ZNF365: variants seen among roughly 807,000 people sequenced by gnomAD.
ZNF365 encodes the protein protein ZNF365.
ZNF365 carries 22 observed loss-of-function variants against 35.0 expected under a neutral mutation model. The observed-to-expected ratio is 0.63, with a 90% CI of 0.45 to 0.90. The LOEUF (loss-of-function observed/expected upper bound fraction) is 0.90, where lower values mean the gene tolerates loss of function less well. Ranked by LOEUF, ZNF365 falls within the 40% of genes least tolerant of loss-of-function variation. ZNF365 has a pLI of 0.00. For missense variants in ZNF365, 448 were observed against 500.3 expected, an observed-to-expected ratio of 0.90 and a Z score of 1.00; for synonymous variants, 188 against 196.2, an observed-to-expected ratio of 0.96 and a Z score of 0.35.
chr10:62,395,400 T>A (rs1839706824), intron 3 of ZNF365, among the ~76,000 whole-genome samples: 1 of 151,396 alleles, frequency 6.6e-6, no homozygotes. Flanking sequence ...TGCAATGGCA[T>A]GATCATGGCT....
chr10:62,442,510 A>G (rs1322776199), intron 3 of ZNF365, among the ~76,000 whole-genome samples: 2 of 152,192 alleles, frequency 1.3e-5, no homozygotes, highest in African/African-American at 4.8e-5. Flanking sequence ...CTTACGTTAC[A>G]ATTGCTGGTG....
chr10:62,440,419 A>C (rs1277612185), intron 3 of ZNF365, among the ~76,000 whole-genome samples: 5 of 152,086 alleles, frequency 3.3e-5, no homozygotes, highest in African/African-American at 1.2e-4. Flanking sequence ...ACCCTCAAGC[A>C]GACTGCAATG....
intron 3 of ZNF365, among the ~76,000 whole-genome samples, chr10:62,450,368 T>C (rs1358263786): frequency 6.6e-6 from 1 of 152,220 alleles, no homozygotes; most frequent in African/African-American, 2.4e-5. Context: ...ATAAGAAGCC[T>C]GAGGCTTCTC....
chr10:62,435,321 AT>A (rs1459611877), intron 3 of ZNF365, among the ~76,000 whole-genome samples: 1 of 152,048 alleles, frequency 6.6e-6, no homozygotes, highest in Non-Finnish European at 1.5e-5. Context: ...TTGGAGGTAA[AT>A]TTTTTTCTGA....
At chr10:62,461,057 C>T (rs1455402263) in intron 4 of ZNF365, among the ~76,000 whole-genome samples, 1 of 152,222 alleles carries the variant, frequency 6.6e-6, no homozygotes, top group African/African-American at 2.4e-5. Context: ...CCTCTACATT[C>T]AGACTCAACT....
chr10:62,377,521 A>G (rs2132407128), intron 2 of ZNF365, among the ~76,000 whole-genome samples: 1 of 152,338 alleles, frequency 6.6e-6, no homozygotes, highest in South Asian at 2.1e-4. Flanking sequence ...TGATATTGCT[A>G]TACTTCTATG....
intron 3 of ZNF365, among the ~76,000 whole-genome samples, chr10:62,428,971 A>G (rs150699891): frequency 1.5e-3 from 231 of 152,340 alleles, no homozygotes; most frequent in African/African-American, 5.3e-3. Context: ...GTGTGCAGTC[A>G]CTAAACAGAG....
rs146839785 is a variant in ZNF365 at position 62,475,644 on chromosome 10, G to A, written c.982-4232G>A. Among the ~76,000 whole-genome samples, 18 of 152,258 alleles carry A rather than the reference G, an allele frequency of 1.2e-4. No individual in the cohort carries two copies. The East Asian group carries it at 2.5e-3, about 21-fold the overall frequency. ...AGCTCACCAAGCTGCGACCAGATCC[G>A]TGGCATAGAGCCCCATCTAGGAAAT... On this transcript the variant is annotated intron_variant, in intron 4 of 4. Coordinates refer to the ZNF365 transcript ENST00000395255.
chr10:62,376,639 C>T lies in ZNF365; in HGVS notation c.446C>T (p.Pro149Leu). The T allele has an allele frequency of 2.5e-6, 4 of 1,614,102 alleles. No individual in the cohort carries two copies. The highest frequency in any genetic ancestry group is 2.2e-5 in the South Asian group (2 of 91,086). Residue 149 changes from proline (P) to leucine (L), a missense_variant, in exon 2 of 5, where the codon CCC (proline) becomes CTC (leucine). Transcript: ENST00000395254. The part of the protein sequence containing the change: ...LDGTRSGPGL[P>L]TSDTKASFEA... ...GGGACACGGTCGGGTCCTGGACTGCCCACCTCAGACACCAAAGCTTCTTTC... is the reference window on the plus strand; with the variant it reads ...GGGACACGGTCGGGTCCTGGACTGCTCACCTCAGACACCAAAGCTTCTTTC...
chr10:62,387,967 C>T (rs1242292546), intron 2 of ZNF365, among the ~76,000 whole-genome samples: 2 of 152,122 alleles, frequency 1.3e-5, no homozygotes, highest in East Asian at 3.9e-4. Context: ...CCATGTAGAC[C>T]CCCTTGCTGT....
In ZNF365 at chr10:62,376,508, A is replaced by C. The variant is rs530476984; in HGVS notation, c.315A>C (p.Ser105=). ...KPSYVNLYSI[S]HEHSKDRKPF... is the part of the protein sequence containing the mutation. ...GCTATGTTAACTTGTACAGCATTTC[A>C]CATGAACATTCCAAGGACAGGAAGC... The change falls in exon 2 of 5, where the codon TCA becomes TCC. Residue 105 remains serine (S), a synonymous_variant. Coordinates refer to ENST00000395254, the MANE Select transcript of ZNF365 (RefSeq NM_014951.3). 2 of 1,614,176 alleles carry C rather than the reference A, an allele frequency of 1.2e-6. No individual in the cohort carries two copies. The highest frequency in any genetic ancestry group is 4.5e-5 in the East Asian group (2 of 44,882).
At chr10:62,465,386 TTGA>T (rs946896018) in intron 4 of ZNF365, among the ~76,000 whole-genome samples, 4 of 151,966 alleles carry the variant, frequency 2.6e-5, no homozygotes, top group Non-Finnish European at 5.9e-5. Context: ...GGATGGCACG[TTGA>T]TGGTGGTGGG....
At chr10:62,464,061 A>AC (rs1465509959) in intron 4 of ZNF365, among the ~76,000 whole-genome samples, 1 of 152,148 alleles carries the variant, frequency 6.6e-6, no homozygotes, top group South Asian at 2.1e-4. Context: ...GAGCCTCACA[A>AC]CCCAGTCTTG....
chr10:62,455,643 A>C (rs190144060), intron 3 of ZNF365, among the ~76,000 whole-genome samples: 1 of 152,190 alleles, frequency 6.6e-6, no homozygotes, highest in African/African-American at 2.4e-5. Context: ...AACTATGTGC[A>C]TATGGTAAAA....
At chr10:62,426,715 A>G (rs1425549963) in intron 3 of ZNF365, among the ~76,000 whole-genome samples, 1 of 152,030 alleles carries the variant, frequency 6.6e-6, no homozygotes, top group Non-Finnish European at 1.5e-5. Flanking sequence ...GGCGAGTTTG[A>G]ATCATTTCAT....
intron 3 of ZNF365, among the ~76,000 whole-genome samples, chr10:62,433,687 G>T (rs2132458401): frequency 6.6e-6 from 1 of 152,262 alleles, no homozygotes; most frequent in Middle Eastern, 3.4e-3. Context: ...GATGGCATCG[G>T]TAGAGCTTGC....
At chr10:62,420,902 C>T (rs1262077932) in intron 3 of ZNF365, among the ~76,000 whole-genome samples, 1 of 151,902 alleles carries the variant, frequency 6.6e-6, no homozygotes, top group Non-Finnish European at 1.5e-5. Flanking sequence ...CCCACCTCAG[C>T]CTCCTGAGTA....
downstream of ZNF365, chr10:62,402,571 A>T: frequency 5.4e-6 from 3 of 558,844 alleles, no homozygotes; most frequent in Non-Finnish European, 6.8e-6. Flanking sequence ...AATCACCAGG[A>T]TCTTGTGTAC....
chr10:62,376,233 C>T lies in ZNF365; in HGVS notation c.40C>T (p.Gln14Ter). Residue 14 changes from glutamine (Q) to a stop codon, truncating the protein, a stop_gained, in exon 2 of 5, where the codon CAG becomes TAG. Transcript: ENST00000395254. LOFTEE classifies it high-confidence loss of function. ...KAFEESRYPW[Q>*]ESFENVAVCL... ...TTTTGAGGAAAGCAGATATCCCTGG[C>T]AGGAGTCCTTTGAGAATGTTGCTGT... The T allele has an allele frequency of 6.2e-7, 1 of 1,614,116 alleles. No individual in the cohort carries two copies. The highest frequency in any genetic ancestry group is 1.3e-5 in the African/African-American group (1 of 75,014).
Sources: gnomAD v4.1 joint callset for allele counts (sites outside exome capture counted in the v4.1 genomes callset) on GRCh38, gnomAD v4.1.1 for gene constraint, MANE v1.5 for transcripts, NCBI Gene and HGNC (gene_info 2026-07-23, HGNC 2026-07-21) for gene names.